Variants in MAML2 observed in about 807,000 individuals in gnomAD.
The protein encoded by MAML2 is mastermind like transcriptional coactivator 2, also known as mastermind-like protein 2.
In MAML2, 22 loss-of-function variants were observed where a neutral mutation model predicts 96.1. The observed-to-expected ratio is 0.23, with a 90% CI of 0.16 to 0.33. The LOEUF is 0.33. Ranked by LOEUF, MAML2 falls within the 10% of genes least tolerant of loss-of-function variation. The pLI, the probability that MAML2 is intolerant of heterozygous loss-of-function variation, is 1.00. For synonymous variants in MAML2, 561 were observed against 521.3 expected (o/e 1.08, Z -1.04); for missense variants, 1,367 against 1,392.4 (o/e 0.98, Z 0.29).
chr11:96,185,058 C>A (rs1264182261), intron 1 of MAML2, among the ~76,000 whole-genome samples: 1 of 152,128 alleles, frequency 6.6e-6, no homozygotes, highest in Non-Finnish European at 1.5e-5. Flanking sequence ...CCAATTGGCA[C>A]CCAAAATCCA....
chr11:96,085,445 C>A (rs550483657), intron 2 of MAML2, among the ~76,000 whole-genome samples: 7 of 152,224 alleles, frequency 4.6e-5, no homozygotes, highest in African/African-American at 1.7e-4. Flanking sequence ...AACCACCACC[C>A]CCTTCTACCA....
intron 1 of MAML2, among the ~76,000 whole-genome samples, chr11:96,218,204 G>C (rs1862078040): frequency 6.6e-6 from 1 of 152,234 alleles, no homozygotes; most frequent in South Asian, 2.1e-4. Context: ...CAGTGTCAGT[G>C]ACAGAAGGCA....
chr11:95,979,206 C>T lies in MAML2; in HGVS notation c.3213G>A (p.Gln1071=). The T allele has an allele frequency of 6.2e-7, 1 of 1,614,008 alleles. No homozygotes were observed. Among genetic ancestry groups the T allele is most frequent in the Non-Finnish European group, 8.5e-7 (1 of 1,179,890 alleles). The change falls in exon 5 of 5, where the codon CAG becomes CAA. Residue 1071 remains glutamine (Q), a synonymous_variant. Coordinates refer to ENST00000524717, the MANE Select transcript of MAML2 (RefSeq NM_032427.4). The part of the protein sequence containing the change: ...NLNQSGTGLN[Q]SRTGINQPPS... ...GTGGCTGGTTGATGCCCGTCCTCGA[C>T]TGATTCAACCCTGTTCCTGACTGAT... is the stretch of plus-strand genomic sequence containing the variant.
At chr11:96,026,824 A>C (rs1415533099) in intron 2 of MAML2, among the ~76,000 whole-genome samples, 1 of 139,348 alleles carries the variant, frequency 7.2e-6, no homozygotes, top group Non-Finnish European at 1.5e-5. Context: ...ATGGGGTTAA[A>C]AAAAAAAAAA....
At chr11:96,097,627 A>G (rs1859854080) in intron 1 of MAML2, among the ~76,000 whole-genome samples, 2 of 152,216 alleles carry the variant, frequency 1.3e-5, no homozygotes, top group South Asian at 4.1e-4. Flanking sequence ...GGAAAAAAAT[A>G]AGATTTTAGG....
chr11:96,122,773 G>GTATAATT (rs1410976789), intron 1 of MAML2, among the ~76,000 whole-genome samples: 1 of 152,182 alleles, frequency 6.6e-6, no homozygotes, highest in East Asian at 1.9e-4. Flanking sequence ...TACATGCCCA[G>GTATAATT]TCTCGTTCTC....
intron 1 of MAML2, among the ~76,000 whole-genome samples, chr11:96,155,805 C>T (rs1209636314): frequency 1.3e-5 from 2 of 151,936 alleles, no homozygotes; most frequent in Non-Finnish European, 2.9e-5. Flanking sequence ...TCTAGCTATG[C>T]TGCTGGGCAA....
chr11:96,269,712 T>C (rs1167061568), intron 1 of MAML2, among the ~76,000 whole-genome samples: 1 of 143,866 alleles, frequency 7.0e-6, no homozygotes, highest in Non-Finnish European at 1.5e-5. Flanking sequence ...GGTTTCACCA[T>C]GTTGGCCAGG....
At chr11:96,025,023 T>G (rs1044682294) in intron 2 of MAML2, among the ~76,000 whole-genome samples, 1 of 152,152 alleles carries the variant, frequency 6.6e-6, no homozygotes, top group African/African-American at 2.4e-5. Context: ...CAAACTACCG[T>G]TCAACCCAGA....
intron 1 of MAML2, among the ~76,000 whole-genome samples, chr11:96,252,141 T>C (rs1862590393): frequency 1.3e-5 from 2 of 151,984 alleles, no homozygotes; most frequent in Admixed American, 1.3e-4. Flanking sequence ...TTACACTCGT[T>C]ATGCTGTTGG....
intron 1 of MAML2, among the ~76,000 whole-genome samples, chr11:96,141,592 A>T (rs1322707820): frequency 1.3e-5 from 2 of 152,112 alleles, no homozygotes; most frequent in African/African-American, 4.8e-5. Flanking sequence ...GCCAAGGTAA[A>T]TGAGTTTGAG....
chr11:96,333,310 C>A (rs1287963429), intron 1 of MAML2, among the ~76,000 whole-genome samples: 1 of 151,000 alleles, frequency 6.6e-6, no homozygotes, highest in Non-Finnish European at 1.5e-5. Context: ...TTATTATCCT[C>A]AAGAAAGGGG....
intron 2 of MAML2, among the ~76,000 whole-genome samples, chr11:96,008,078 T>C (rs1291210488): frequency 6.6e-6 from 1 of 152,054 alleles, no homozygotes; most frequent in Admixed American, 6.5e-5. Context: ...TTACATATCA[T>C]ATAACAACAT....
At chr11:96,135,580 T>A (rs560413014) in intron 1 of MAML2, among the ~76,000 whole-genome samples, 1 of 149,786 alleles carries the variant, frequency 6.7e-6, no homozygotes, top group African/African-American at 2.4e-5. Flanking sequence ...GGTAATGATT[T>A]TATAGTATTT....
intron 2 of MAML2, among the ~76,000 whole-genome samples, chr11:96,051,618 G>A (rs1479594306): frequency 1.3e-5 from 2 of 152,128 alleles, no homozygotes; most frequent in Non-Finnish European, 2.9e-5. Flanking sequence ...CAACTAAATA[G>A]AGGTTCACAT....
intron 1 of MAML2, among the ~76,000 whole-genome samples, chr11:96,190,956 T>C (rs1343562680): frequency 2.0e-5 from 3 of 152,204 alleles, no homozygotes; most frequent in Non-Finnish European, 4.4e-5. Flanking sequence ...ATTTATAAGG[T>C]TAGTCTTTCT....
chr11:96,293,700 A>T (rs573218408), intron 1 of MAML2, among the ~76,000 whole-genome samples: 4 of 152,174 alleles, frequency 2.6e-5, no homozygotes, highest in African/African-American at 9.7e-5. Flanking sequence ...GCAGAACAAT[A>T]ATCATTTTGA....
At chr11:96,031,654 T>A (rs999614535) in intron 2 of MAML2, among the ~76,000 whole-genome samples, 1 of 152,152 alleles carries the variant, frequency 6.6e-6, no homozygotes, top group Non-Finnish European at 1.5e-5. Flanking sequence ...ACAGACAAAA[T>A]GTTTCATAAA....
In MAML2 at chr11:95,979,227, C is replaced by G; in HGVS notation, c.3192G>C (p.Gln1064His). Residue 1064 changes from glutamine (Q) to histidine (H), a missense_variant, in exon 5 of 5, where the codon CAG becomes CAC. Gln to His is a conservative substitution (Grantham distance 24). Transcript: ENST00000524717. ...LSTQILPNLN[Q>H]SGTGLNQSRT... ...TCGACTGATTCAACCCTGTTCCTGA[C>G]TGATTCAAATTAGGCAAAATCTGTG... is the stretch of plus-strand genomic sequence containing the variant. The G allele has an allele frequency of 6.2e-7, 1 of 1,613,996 alleles. No homozygotes were observed. Among genetic ancestry groups the G allele is most frequent in the East Asian group, 2.2e-5 (1 of 44,880 alleles).
Sources: allele counts gnomAD v4.1 joint callset (sites outside exome capture counted in the v4.1 genomes callset), GRCh38; gene constraint gnomAD v4.1.1; transcripts MANE v1.5; gene names NCBI Gene and HGNC (gene_info 2026-07-23, HGNC 2026-07-21).